NPIPB11: variants seen among roughly 807,000 people sequenced by gnomAD.
NPIPB11 encodes nuclear pore complex-interacting protein family member B11.
NPIPB11 carries 17 observed loss-of-function variants against 32.8 expected under a neutral mutation model. The ratio of observed to expected loss-of-function variants is 0.52; its 90% confidence interval spans 0.35 to 0.78. The LOEUF is 0.78. Among genes scored for constraint, NPIPB11 ranks in the 30% least tolerant of loss-of-function variants. The pLI is 0.01. For synonymous variants in NPIPB11, 209 were observed against 398.4 expected (o/e 0.52, Z 5.66); for missense variants, 537 against 1,000.4 (o/e 0.54, Z 6.25).
At position 29,399,230 on chromosome 16, in the gene NPIPB11, A is replaced by G. The variant is rs1465427332; in HGVS notation, c.120+4453T>C. Among the ~76,000 whole-genome samples the G allele has an allele frequency of 2.0e-5, 3 of 152,260 alleles. No individual in the cohort carries two copies. In the East Asian group the frequency reaches 5.8e-4, roughly 29 times the overall value. On this transcript the variant is annotated intron_variant, in intron 2 of 7. Transcript: ENST00000524087. ...CCACAGGGCTTCTGCCCGATCACAC[A>G]GAGTGTGCCCAAACTCACTCAGGCC... is the stretch of plus-strand genomic sequence containing the variant.
At chr16:29,400,828 G>C (rs1469287163) in intron 2 of NPIPB11, among the ~76,000 whole-genome samples, 1 of 152,138 alleles carries the variant, frequency 6.6e-6, no homozygotes, top group African/African-American at 2.4e-5. Context: ...AGAGGCAGTG[G>C]TTCCATCGGA....
chr16:29,391,773 T>C (rs1280439118), intron 3 of NPIPB11, among the ~76,000 whole-genome samples: 1 of 152,108 alleles, frequency 6.6e-6, no homozygotes, highest in Non-Finnish European at 1.5e-5. Flanking sequence ...CATGCTGAAG[T>C]GCAGTGGCGC....
Position 29,401,601 on chromosome 16 carries a change from A to G in NPIPB11, c.120+2082T>C, listed in dbSNP as rs4017130. Among the ~76,000 whole-genome samples the G allele has an allele frequency of 1.1e-3, 172 of 152,168 alleles. 1 individual carries two copies. The highest frequency in any genetic ancestry group is 0.01 in the South Asian group (50 of 4,820). On this transcript the variant is annotated intron_variant, in intron 2 of 7. Transcript: ENST00000524087. ...CCCATGTAGGCTGACACCATATGAC[A>G]GCCTTAATGGAGTCCACCGAGTATT...
chr16:29,389,976 G>A lies in NPIPB11; in HGVS notation c.510C>T (p.Asp170=), dbSNP rs1204554793. 6 of 1,587,588 alleles carry A rather than the reference G, an allele frequency of 3.8e-6. No homozygotes were observed. The South Asian group carries it at 6.7e-5, about 18-fold the overall frequency. ...CGGTCTTCCTCTTTCCATTGATTTTGTCATGACGGTTGATTTTCGTTGTCA... is the reference window on the plus strand; with the variant it reads ...CGGTCTTCCTCTTTCCATTGATTTTATCATGACGGTTGATTTTCGTTGTCA... Residue 170 remains aspartate, a synonymous_variant, in exon 5 of 8, where the codon GAC becomes GAT. Transcript: ENST00000524087.
chr16:29,397,551 G>A (rs1369588174), intron 2 of NPIPB11: 22 of 1,526,180 alleles, frequency 1.4e-5, no homozygotes, highest in East Asian at 7.5e-5. Context: ...AACCCCGAGG[G>A]TCCAGCGTCT....
At position 29,402,014 on chromosome 16, in the gene NPIPB11, A is replaced by G. The variant is rs376620114; in HGVS notation, c.120+1669T>C. 2.6e-5 allele frequency among the ~76,000 whole-genome samples: 4 copies of G among 151,552 alleles called. No homozygotes were observed. The East Asian group carries it at 7.9e-4, about 30-fold the overall frequency. Reference sequence around the variant, plus strand: ...ATGCAGACTAGCCTGCCGTCAGAACATGAACTGGTGGTCAGACACACGTAG... The same window carrying G: ...ATGCAGACTAGCCTGCCGTCAGAACGTGAACTGGTGGTCAGACACACGTAG... On this transcript the variant is annotated intron_variant, in intron 2 of 7. Coordinates refer to ENST00000524087, the Ensembl canonical transcript of NPIPB11.
chr16:29,389,985 G>C (rs1963674270), exon 5 of NPIPB11: 7 of 1,591,068 alleles, frequency 4.4e-6, no homozygotes, highest in Non-Finnish European at 6.0e-6. Context: ...TGTCATGACG[G>C]TTGATTTTCG....
intron 3 of NPIPB11, among the ~76,000 whole-genome samples, chr16:29,391,623 T>C (rs1963724899): frequency 6.6e-6 from 1 of 152,022 alleles, no homozygotes; most frequent in Admixed American, 6.6e-5. Context: ...GCTTTTAATC[T>C]TCTAAGACAT....
intron 2 of NPIPB11, among the ~76,000 whole-genome samples, chr16:29,397,009 G>T (rs904291722): frequency 8.4e-4 from 128 of 151,602 alleles, no homozygotes; most frequent in Admixed American, 3.9e-3. Context: ...TTAGCCAGGC[G>T]TGGTGGTCTA....
At chr16:29,382,288 C>G in exon 8 of NPIPB11, 2 of 1,600,814 alleles carry the variant, frequency 1.2e-6, no homozygotes, top group South Asian at 1.1e-5. Context: ...AGACGCTCCC[C>G]GCAGACGCTC....
intron 5 of NPIPB11, 42 bp downstream of exon 5, chr16:29,389,899 A>G (rs1157847290): frequency 1.9e-6 from 3 of 1,573,996 alleles, no homozygotes; most frequent in Non-Finnish European, 2.6e-6. Context: ...TTTGATTGGC[A>G]CATGGTTCCT....
At chr16:29,397,323 C>T (rs1016853162) in intron 2 of NPIPB11, among the ~76,000 whole-genome samples, 6 of 151,852 alleles carry the variant, frequency 4.0e-5, no homozygotes, top group South Asian at 2.1e-4. Flanking sequence ...CCTCCCACCT[C>T]AGCCTCTCCA....
At chr16:29,399,832 A>ACTT (rs1312348596) in intron 2 of NPIPB11, among the ~76,000 whole-genome samples, 1 of 151,796 alleles carries the variant, frequency 6.6e-6, no homozygotes, top group African/African-American at 2.4e-5. Context: ...TAATCCCAGC[A>ACTT]CTTTGGGAGG....
intron 2 of NPIPB11, among the ~76,000 whole-genome samples, chr16:29,401,355 T>G (rs1963987192): frequency 6.6e-6 from 1 of 152,154 alleles, no homozygotes. Context: ...GTCAGAGATT[T>G]ACTGACTCAA....
At chr16:29,394,636 TG>T (rs1963806826) in intron 2 of NPIPB11, among the ~76,000 whole-genome samples, 1 of 151,908 alleles carries the variant, frequency 6.6e-6, no homozygotes, top group African/African-American at 2.4e-5. Context: ...GGTTTCACCA[TG>T]TTGGCCAGTC....
chr16:29,391,704 A>G (rs1398522331), intron 3 of NPIPB11, among the ~76,000 whole-genome samples: 1 of 152,178 alleles, frequency 6.6e-6, no homozygotes, highest in Non-Finnish European at 1.5e-5. Flanking sequence ...GATACCTATG[A>G]ATCTCCTGAG....
rs776006462 is a variant in NPIPB11 at position 29,382,306 on chromosome 16, G to C, written c.2626C>G (p.His876Asp). 3 of 1,590,074 alleles carry C rather than the reference G, an allele frequency of 1.9e-6. No homozygotes were observed. In the East Asian group the frequency reaches 6.8e-5, roughly 36 times the overall value. The change falls in exon 8 of 8, where the codon CAC (histidine) becomes GAC (aspartate). Residue 876 changes from histidine (H) to aspartate (D), a missense_variant. Coordinates refer to ENST00000524087, the Ensembl canonical transcript of NPIPB11. Reference sequence around the variant, plus strand: ...CGCTCCCCGCAGACGCTCGGCAGGTGTCTTGATATTATCATCTGCTGAGGG... The same window carrying C: ...CGCTCCCCGCAGACGCTCGGCAGGTCTCTTGATATTATCATCTGCTGAGGG...
At chr16:29,404,740 A>C (rs1462464936), upstream of NPIPB11, among the ~76,000 whole-genome samples, 2 of 150,314 alleles carry the variant, frequency 1.3e-5, no homozygotes, top group African/African-American at 4.9e-5. Flanking sequence ...GATGGGGTTC[A>C]GGCTGCCGGA....
intron 2 of NPIPB11, among the ~76,000 whole-genome samples, chr16:29,400,111 G>C (rs1963954279): frequency 6.6e-6 from 1 of 151,636 alleles, no homozygotes; most frequent in African/African-American, 2.4e-5. Flanking sequence ...GATTTCGGTT[G>C]TGTTGGTTGT....
Sources: allele counts gnomAD v4.1 joint callset (sites outside exome capture counted in the v4.1 genomes callset), GRCh38; gene constraint gnomAD v4.1.1; transcripts MANE v1.5; gene names NCBI Gene and HGNC (gene_info 2026-07-23, HGNC 2026-07-21).